MAP2K4: variants seen among roughly 807,000 people sequenced by gnomAD.
MAP2K4 encodes mitogen-activated protein kinase kinase 4, also known as dual specificity mitogen-activated protein kinase kinase 4.
MAP2K4 carries 4 observed loss-of-function variants against 48.5 expected under a neutral mutation model. The ratio of observed to expected loss-of-function variants is 0.08; its 90% CI spans 0.04 to 0.19. The LOEUF (loss-of-function observed/expected upper bound fraction) is 0.19, where lower values mean the gene tolerates loss of function less well. MAP2K4 is among the 10% of genes least tolerant of loss of function. The probability of loss-of-function intolerance (pLI) is 1.00; values close to 1 mark genes in which losing one functional copy is unlikely to be tolerated. For missense variants in MAP2K4, 258 were observed against 493.3 expected, an observed-to-expected ratio of 0.52 and a Z score of 4.52; for synonymous variants, 166 against 173.1, an observed-to-expected ratio of 0.96 and a Z score of 0.32.
At chr17:12,037,700 C>G (rs1312791971) in intron 1 of MAP2K4, among the ~76,000 whole-genome samples, 2 of 152,072 alleles carry the variant, frequency 1.3e-5, no homozygotes, top group South Asian at 2.1e-4. Flanking sequence ...AGACTAACAT[C>G]TAATATTTAT....
intron 1 of MAP2K4, among the ~76,000 whole-genome samples, chr17:12,027,151 C>G (rs540445508): frequency 6.6e-6 from 1 of 152,094 alleles, no homozygotes; most frequent in African/African-American, 2.4e-5. Context: ...TCTTCATGCT[C>G]GGTAAGGTTG....
chr17:12,058,076 C>G (rs192584685), intron 2 of MAP2K4, among the ~76,000 whole-genome samples: 187 of 151,958 alleles, frequency 1.2e-3, no homozygotes, highest in Non-Finnish European at 1.7e-3. Flanking sequence ...AGCTCTTAGG[C>G]CAGGAATATT....
At chr17:12,137,197 C>G (rs2151596634) in intron 9 of MAP2K4, among the ~76,000 whole-genome samples, 1 of 152,186 alleles carries the variant, frequency 6.6e-6, no homozygotes, top group East Asian at 1.9e-4. Context: ...ATATGTTGAA[C>G]AAATGAATGG....
chr17:12,112,955 A>G (rs1972354435), intron 6 of MAP2K4: 1 of 210,444 alleles, frequency 4.8e-6, no homozygotes, highest in African/African-American at 2.3e-5. Flanking sequence ...TGAAGATGTT[A>G]AGAGAAAAAT....
intron 3 of MAP2K4, among the ~76,000 whole-genome samples, chr17:12,082,357 A>G (rs1971219441): frequency 6.6e-6 from 1 of 152,224 alleles, no homozygotes; most frequent in Non-Finnish European, 1.5e-5. Flanking sequence ...TGCAAAAACA[A>G]AGGAAAAAAA....
Position 12,096,380 on chromosome 17 carries a change from A to G in MAP2K4, c.513+686A>G, listed in dbSNP as rs189092626. 2.4e-3 allele frequency among the ~76,000 whole-genome samples: 369 copies of G among 152,058 alleles called. 5 individuals are homozygous for G. The highest frequency in any genetic ancestry group is 0.017 in the Middle Eastern group (5 of 292). On this transcript the variant is annotated intron_variant, in intron 4 of 10. Transcript: ENST00000353533. ...CCTCCAGCTCTCAATCCACTTACTCATTTCCAGTCATCCAGCTGCCTAAAA... is the reference window on the plus strand; with the variant it reads ...CCTCCAGCTCTCAATCCACTTACTCGTTTCCAGTCATCCAGCTGCCTAAAA...
chr17:12,051,904 A>AGAG (rs943150747), intron 1 of MAP2K4, among the ~76,000 whole-genome samples: 1 of 151,868 alleles, frequency 6.6e-6, no homozygotes, highest in African/African-American at 2.4e-5. Flanking sequence ...AGTGAATGGG[A>AGAG]GAGGAGAAGA....
chr17:12,106,844 CTG>C (rs1972131389), intron 4 of MAP2K4, among the ~76,000 whole-genome samples: 1 of 151,920 alleles, frequency 6.6e-6, no homozygotes, highest in African/African-American at 2.4e-5. Context: ...CTCTCATGAA[CTG>C]TATTCATTTT....
chr17:12,073,614 A>C (rs1228727708), intron 2 of MAP2K4, among the ~76,000 whole-genome samples: 1 of 152,122 alleles, frequency 6.6e-6, no homozygotes, highest in African/African-American at 2.4e-5. Flanking sequence ...TCCTTCTCTC[A>C]GCAGTTTTAT....
intron 7 of MAP2K4, among the ~76,000 whole-genome samples, chr17:12,116,078 C>T (rs2042672778): frequency 6.6e-6 from 1 of 152,166 alleles, no homozygotes; most frequent in Admixed American, 6.5e-5. Context: ...CTGTAGGTCG[C>T]CTGCAGCCTG....
intron 9 of MAP2K4, among the ~76,000 whole-genome samples, chr17:12,135,295 C>T (rs1051473105): frequency 6.6e-6 from 1 of 152,094 alleles, no homozygotes; most frequent in Admixed American, 6.5e-5. Context: ...CCATGTTGGT[C>T]AGGTTGGTCA....
intron 8 of MAP2K4, among the ~76,000 whole-genome samples, chr17:12,128,634 C>T (rs1972933183): frequency 6.6e-6 from 1 of 152,158 alleles, no homozygotes; most frequent in Admixed American, 6.5e-5. Context: ...GTAGTATCTG[C>T]AGAATAGCTG....
At chr17:12,103,895 T>G (rs1972024324) in intron 4 of MAP2K4, among the ~76,000 whole-genome samples, 1 of 152,022 alleles carries the variant, frequency 6.6e-6, no homozygotes, top group Non-Finnish European at 1.5e-5. Flanking sequence ...TAAATACACC[T>G]TTTTATTTTA....
Position 12,074,030 on chromosome 17 carries a change from C to T in MAP2K4, c.219-7326C>T, listed in dbSNP as rs1015032312. Among the ~76,000 whole-genome samples the T allele has an allele frequency of 2.0e-5, 3 of 152,132 alleles. 1 individual carries two copies. Among genetic ancestry groups the T allele is most frequent in the Admixed American group, 1.3e-4 (2 of 15,274 alleles). On this transcript the variant is annotated intron_variant, in intron 2 of 10. Transcript: ENST00000353533. ...CTCGTGATTCGCCCACCTCGGCCTC[C>T]CAAAGTGCGGGGACTACAGGTGTGA...
rs1241540218 is a variant in MAP2K4 at position 12,020,879 on chromosome 17, T to G, written c.-8T>G. The G allele has an allele frequency of 4.1e-6, 4 of 982,380 alleles. No homozygotes were observed. The East Asian group carries it at 1.3e-4, about 31-fold the overall frequency. 60.9% of individuals were successfully genotyped at this position (982,380 alleles called of 1,614,324 possible). On this transcript the variant is annotated 5_prime_UTR_variant, in exon 1 of 11. Coordinates refer to ENST00000353533, the MANE Select transcript of MAP2K4 (RefSeq NM_003010.4). ...GCCGCGGCGCCGCTCGGCTCTTCAC[T>G]CCCAACAATGGCGGCTCCGAGCCCG...
At chr17:12,037,967 A>G (rs1208378688) in intron 1 of MAP2K4, among the ~76,000 whole-genome samples, 2 of 152,158 alleles carry the variant, frequency 1.3e-5, no homozygotes, top group African/African-American at 4.8e-5. Context: ...AGGAGAAGGA[A>G]GGTTTCTAAC....
chr17:12,086,828 TTTG>T lies in MAP2K4; in HGVS notation c.393+5301_393+5303del, dbSNP rs1971380201. ...TAGTTATCTGGAGAAAAACCTGTTTTTTGTTTTGTTTTGTTTTGTTTTGTTTTG... is the reference window on the plus strand; with the variant it reads ...TAGTTATCTGGAGAAAAACCTGTTTTTTTTGTTTTGTTTTGTTTTGTTTTG... On this transcript the variant is annotated intron_variant, in intron 3 of 10. Transcript: ENST00000353533. Among the ~76,000 whole-genome samples the T allele has an allele frequency of 2.9e-4, 3 of 10,264 alleles. No individual in the cohort carries two copies. The South Asian group carries it at 0.083, about 285-fold the overall frequency. The allele number at this position is 10,264 out of a possible 152,430, so 6.7% of individuals were successfully genotyped here.
intron 1 of MAP2K4, among the ~76,000 whole-genome samples, chr17:12,022,725 T>C (rs200003029): frequency 6.6e-6 from 1 of 152,198 alleles, no homozygotes; most frequent in East Asian, 1.9e-4. Flanking sequence ...CCTGTGAAGA[T>C]GGGGGAGGGA....
At chr17:12,092,612 C>G (rs1208763255) in intron 3 of MAP2K4, among the ~76,000 whole-genome samples, 1 of 152,164 alleles carries the variant, frequency 6.6e-6, no homozygotes, top group Non-Finnish European at 1.5e-5. Context: ...GAAGTTACTG[C>G]TATTATAGGC....
Sources: gnomAD v4.1 joint callset for allele counts (sites outside exome capture counted in the v4.1 genomes callset) on GRCh38, gnomAD v4.1.1 for gene constraint, MANE v1.5 for transcripts, NCBI Gene and HGNC (gene_info 2026-07-23, HGNC 2026-07-21) for gene names.